The following DNM3 variants were observed in gnomAD, a reference collection of about 807,000 sequenced individuals.
The protein encoded by DNM3 is dynamin-3.
A neutral mutation model predicts 101.6 loss-of-function variants in DNM3; 47 were observed. The observed-to-expected ratio is 0.46, with a 90% CI of 0.37 to 0.59. The LOEUF (loss-of-function observed/expected upper bound fraction) is 0.59. Ranked by LOEUF, DNM3 falls within the 20% of genes least tolerant of loss-of-function variation. The pLI is 0.00. For synonymous variants in DNM3, 385 were observed against 387.9 expected, an observed-to-expected ratio of 0.99 and a Z score of 0.09; for missense variants, 849 against 1,085.7, an observed-to-expected ratio of 0.78 and a Z score of 3.06.
chr1:172,294,631 G>C (rs1289719779), intron 15 of DNM3, among the ~76,000 whole-genome samples: 1 of 152,104 alleles, frequency 6.6e-6, no homozygotes, highest in African/African-American at 2.4e-5. Context: ...TAAAAAGTTA[G>C]GCCAGGTGCA....
intron 15 of DNM3, among the ~76,000 whole-genome samples, chr1:172,288,123 A>C (rs1326650350): frequency 1.3e-5 from 2 of 152,204 alleles, no homozygotes; most frequent in African/African-American, 2.4e-5. Context: ...CATGTCCCCT[A>C]TTCTCATGGA....
At chr1:171,908,301 A>C (rs899366744) in intron 1 of DNM3, among the ~76,000 whole-genome samples, 3 of 146,472 alleles carry the variant, frequency 2.0e-5, no homozygotes, top group Non-Finnish European at 3.1e-5. Flanking sequence ...TTGAAAAGTC[A>C]CTTATACTTT....
At position 172,059,455 on chromosome 1, in the gene DNM3, T is replaced by C. The variant is rs1188735631; in HGVS notation, c.1336-9364T>C. On this transcript the variant is annotated intron_variant, in intron 10 of 20. Coordinates refer to ENST00000627582, the MANE Select transcript of DNM3 (RefSeq NM_015569.5). ...GATGCAAAAATCCTCAATAAAATACTGGCAAACTGAATCCAGCAGCACATC... is the reference window on the plus strand; with the variant it reads ...GATGCAAAAATCCTCAATAAAATACCGGCAAACTGAATCCAGCAGCACATC... 8.4e-4 allele frequency among the ~76,000 whole-genome samples: 95 copies of C among 113,462 alleles called. No homozygotes were observed. The East Asian group carries it at 0.024, about 28-fold the overall frequency. The allele number at this position is 113,462 out of a possible 152,430, so 74.4% of individuals were successfully genotyped here. A position where few individuals can be genotyped will look rare whatever the true frequency, so the allele number is the denominator to read the frequency against.
chr1:172,412,445 TG>T lies in DNM3; in HGVS notation c.*4607del, dbSNP rs1339273659. 2.0e-6 allele frequency: 2 copies of T among 985,692 alleles called. No homozygotes were observed. The allele number at this position is 985,692 out of a possible 1,614,324, so 61.1% of individuals were successfully genotyped here. Reference sequence around the variant, plus strand: ...TTGTCTATTTTTACTTTCCCTTTTTTGGGTCAAATTTTTCTTTTGCTTTGTT... The same window carrying T: ...TTGTCTATTTTTACTTTCCCTTTTTTGGTCAAATTTTTCTTTTGCTTTGTT... On this transcript the variant is annotated 3_prime_UTR_variant, in exon 21 of 21. Transcript: ENST00000627582.
intron 1 of DNM3, among the ~76,000 whole-genome samples, chr1:171,866,240 C>T (rs2034731233): frequency 6.6e-6 from 1 of 151,406 alleles, no homozygotes; most frequent in Non-Finnish European, 1.5e-5. Flanking sequence ...TAAAGCACTA[C>T]TCTAATCGCT....
intron 19 of DNM3, among the ~76,000 whole-genome samples, chr1:172,387,960 G>A (rs1206210571): frequency 2.6e-5 from 4 of 152,086 alleles, no homozygotes; most frequent in African/African-American, 4.8e-5. Flanking sequence ...TATGCCAGGC[G>A]CGGTGGCTCA....
chr1:172,191,391 C>T (rs2148439226), intron 14 of DNM3, among the ~76,000 whole-genome samples: 1 of 152,256 alleles, frequency 6.6e-6, no homozygotes, highest in East Asian at 1.9e-4. Flanking sequence ...GTTTTGGTAC[C>T]AGTACCATCC....
At chr1:171,971,160 A>G (rs946409522) in intron 2 of DNM3, among the ~76,000 whole-genome samples, 2 of 151,954 alleles carry the variant, frequency 1.3e-5, no homozygotes, top group Non-Finnish European at 2.9e-5. Flanking sequence ...AAAATTTGGT[A>G]TGTGTTCTTA....
intron 13 of DNM3, among the ~76,000 whole-genome samples, chr1:172,114,266 G>A (rs2055727289): frequency 6.6e-6 from 1 of 152,194 alleles, no homozygotes; most frequent in Non-Finnish European, 1.5e-5. Flanking sequence ...GTAGAGTCTT[G>A]CCAGAAGGTA....
intron 3 of DNM3, among the ~76,000 whole-genome samples, chr1:171,988,279 G>C (rs568008351): frequency 5.9e-5 from 9 of 152,232 alleles, no homozygotes; most frequent in African/African-American, 1.9e-4. Context: ...GAAATAACCT[G>C]TATGCTGACT....
rs544391189 is a variant in DNM3 at position 172,229,653 on chromosome 1, A to G, written c.1660-23920A>G. 4.6e-5 allele frequency among the ~76,000 whole-genome samples: 7 copies of G among 152,310 alleles called. No individual in the cohort carries two copies. In the East Asian group the frequency reaches 1.4e-3, roughly 29 times the overall value. ...GATTAATATTTTGTGAGAATGATTG[A>G]GTCCGTGGCATGGAATAATAACTAC... is the stretch of plus-strand genomic sequence containing the variant. On this transcript the variant is annotated intron_variant, in intron 14 of 20. Coordinates refer to ENST00000627582, the MANE Select transcript of DNM3 (RefSeq NM_015569.5).
At chr1:172,295,881 GA>G (rs1327885035) in intron 15 of DNM3, among the ~76,000 whole-genome samples, 1 of 152,036 alleles carries the variant, frequency 6.6e-6, no homozygotes, top group East Asian at 1.9e-4. Context: ...AATAAAAGAA[GA>G]AACAAAGATA....
intron 14 of DNM3, among the ~76,000 whole-genome samples, chr1:172,208,390 G>A (rs548311174): frequency 6.6e-6 from 1 of 152,146 alleles, no homozygotes; most frequent in African/African-American, 2.4e-5. Context: ...CACTGTAAGG[G>A]TATTTTTTAG....
intron 4 of DNM3, among the ~76,000 whole-genome samples, chr1:172,022,268 G>T (rs2047900285): frequency 6.6e-6 from 1 of 151,928 alleles, no homozygotes; most frequent in Non-Finnish European, 1.5e-5. Context: ...ACATAATCAG[G>T]GCTCTTTATT....
At chr1:171,937,470 G>T (rs1039058954) in intron 2 of DNM3, among the ~76,000 whole-genome samples, 3 of 152,152 alleles carry the variant, frequency 2.0e-5, no homozygotes, top group African/African-American at 7.2e-5. Context: ...ATGTGCACAA[G>T]ATACACTGGG....
intron 1 of DNM3, among the ~76,000 whole-genome samples, chr1:171,867,569 G>T (rs557902355): frequency 3.3e-5 from 5 of 152,026 alleles, no homozygotes; most frequent in African/African-American, 1.2e-4. Flanking sequence ...CACCCAAACT[G>T]GTTTTTGTAT....
intron 13 of DNM3, among the ~76,000 whole-genome samples, chr1:172,104,272 C>T (rs2054855775): frequency 6.6e-6 from 1 of 152,000 alleles, no homozygotes; most frequent in South Asian, 2.1e-4. Context: ...ATATTTTAAA[C>T]ATTTTATGGC....
intron 2 of DNM3, among the ~76,000 whole-genome samples, chr1:171,946,035 G>A (rs567793254): frequency 2.0e-5 from 3 of 152,260 alleles, no homozygotes; most frequent in African/African-American, 7.2e-5. Context: ...GGAAGATCTT[G>A]CAAGACCTGC....
intron 14 of DNM3, among the ~76,000 whole-genome samples, chr1:172,183,863 C>T (rs951343045): frequency 1.4e-5 from 2 of 145,334 alleles, no homozygotes; most frequent in African/African-American, 2.5e-5. Context: ...CTGCCTTAGC[C>T]TCCCAAAGTG....
Sources: gnomAD v4.1 joint callset for allele counts (sites outside exome capture counted in the v4.1 genomes callset) on GRCh38, gnomAD v4.1.1 for gene constraint, MANE v1.5 for transcripts, NCBI Gene and HGNC (gene_info 2026-07-23, HGNC 2026-07-21) for gene names.